SHQ1: variants seen among roughly 807,000 people sequenced by gnomAD.
SHQ1 encodes the protein protein SHQ1 homolog.
SHQ1 carries 49 observed loss-of-function variants against 53.8 expected under a neutral mutation model. The ratio of observed to expected loss-of-function variants is 0.91; its 90% CI spans 0.72 to 1.16. The LOEUF (loss-of-function observed/expected upper bound fraction) is 1.16, where lower values mean the gene tolerates loss of function less well. SHQ1 is among the 50% of genes most tolerant of loss of function. The probability of loss-of-function intolerance (pLI) is 0.00; values close to 1 mark genes in which losing one functional copy is unlikely to be tolerated. For missense variants in SHQ1, 738 were observed against 683.1 expected, an observed-to-expected ratio of 1.08 and a Z score of -0.90; for synonymous variants, 243 against 251.0, an observed-to-expected ratio of 0.97 and a Z score of 0.30.
At chr3:72,831,292 A>AT (rs1159553501) in intron 5 of SHQ1, among the ~76,000 whole-genome samples, 2 of 152,204 alleles carry the variant, frequency 1.3e-5, no homozygotes, top group African/African-American at 4.8e-5. Flanking sequence ...TGCCATTCCA[A>AT]TTAGTATCCT....
chr3:72,780,104 G>T (rs925598489), intron 10 of SHQ1, among the ~76,000 whole-genome samples: 4 of 152,118 alleles, frequency 2.6e-5, no homozygotes, highest in African/African-American at 9.7e-5. Flanking sequence ...TTTAAAAAAG[G>T]TATGATAAGC....
intron 8 of SHQ1, among the ~76,000 whole-genome samples, chr3:72,814,303 G>T (rs1707236446): frequency 6.6e-6 from 1 of 152,170 alleles, no homozygotes; most frequent in African/African-American, 2.4e-5. Context: ...ATTATATGCT[G>T]ATCATGGCAA....
At chr3:72,738,495 G>C in the SHQ1 span, among the ~76,000 whole-genome samples, 3 of 152,138 alleles carry the variant, frequency 2.0e-5, no homozygotes, top group African/African-American at 7.2e-5. Flanking sequence ...AGATAAGCTT[G>C]TGAATTTAGG....
At chr3:72,804,755 T>A (rs1252340308) in intron 9 of SHQ1, among the ~76,000 whole-genome samples, 4 of 152,300 alleles carry the variant, frequency 2.6e-5, no homozygotes, top group Middle Eastern at 3.4e-3. Context: ...TTTGGGAGGC[T>A]GAGGCAGGAG....
intron 9 of SHQ1, among the ~76,000 whole-genome samples, chr3:72,807,581 AATT>A (rs1168580846): frequency 6.6e-6 from 1 of 152,200 alleles, no homozygotes. Flanking sequence ...TCTACAATTC[AATT>A]TTTTTAAAAG....
Position 72,750,394 on chromosome 3 carries a change from G to A in SHQ1, c.1624C>T (p.Leu542Phe). ...ACTGTAGTCTTCAGTTGTTCCCCAA[G>A]CTCCTCTATCAGAGGCCCAGACACT... ...LGVSGPLIEE[L>F]GEQLKTTVQV... The change falls in exon 11 of 11, where the codon CTT becomes TTT. Residue 542 changes from leucine (L) to phenylalanine (F), a missense_variant. By Grantham distance (22) the Leu-to-Phe change is conservative. Transcript: ENST00000325599. The A allele has an allele frequency of 1.9e-6, 3 of 1,614,092 alleles. No homozygotes were observed. Among genetic ancestry groups the A allele is most frequent in the Non-Finnish European group, 2.5e-6 (3 of 1,180,018 alleles).
At chr3:72,746,724 A>G (rs1207741519), downstream of SHQ1, among the ~76,000 whole-genome samples, 1 of 152,232 alleles carries the variant, frequency 6.6e-6, no homozygotes, top group African/African-American at 2.4e-5. Flanking sequence ...TCACTGAAGT[A>G]GATCCTGTCA....
chr3:72,739,995 G>A, the SHQ1 span, among the ~76,000 whole-genome samples: 1 of 152,152 alleles, frequency 6.6e-6, no homozygotes, highest in East Asian at 1.9e-4. Flanking sequence ...CGAGATGAAG[G>A]TGTGGCCGCT....
At chr3:72,848,090 G>GA in intron 1 of SHQ1, 108 bp downstream of exon 1, 1 of 1,387,784 alleles carries the variant, frequency 7.2e-7, no homozygotes, top group Non-Finnish European at 1.0e-6. Flanking sequence ...GAAACGTCGG[G>GA]AAAAGGCATT....
In SHQ1 at chr3:72,792,986, C is replaced by T; in HGVS notation, c.1111G>A (p.Glu371Lys). Residue 371 changes from glutamate (E) to lysine (K), a missense_variant, in exon 10 of 11, where the codon GAA (glutamate) becomes AAA (lysine). Transcript: ENST00000325599. ...TTCAGTATGTACGCTGGGTCATTTT[C>T]CTGAAAAATTTTGTGAATATCCAGG... ...CLLDIHKIFQENDPAYILNDL... is the reference protein window; with the variant it reads ...CLLDIHKIFQKNDPAYILNDL... The T allele has an allele frequency of 6.2e-7, 1 of 1,612,322 alleles. No homozygotes were observed. Among genetic ancestry groups the T allele is most frequent in the Non-Finnish European group, 8.5e-7 (1 of 1,179,304 alleles).
At chr3:72,727,099 C>G in the SHQ1 span, among the ~76,000 whole-genome samples, 1 of 152,108 alleles carries the variant, frequency 6.6e-6, no homozygotes, top group South Asian at 2.1e-4. Flanking sequence ...TATGTAGCCC[C>G]AGAACAAGCA....
chr3:72,743,112 G>A, the SHQ1 span, among the ~76,000 whole-genome samples: 2 of 152,170 alleles, frequency 1.3e-5, no homozygotes, highest in Admixed American at 1.3e-4. Context: ...CCTTATGTCA[G>A]CACCCTCTGC....
At chr3:72,727,252 G>A in the SHQ1 span, among the ~76,000 whole-genome samples, 13 of 152,178 alleles carry the variant, frequency 8.5e-5, no homozygotes, top group East Asian at 3.9e-4. Context: ...GTTTCCACCC[G>A]TCACCCCCAA....
In SHQ1 at chr3:72,817,320, G is replaced by A. The variant is rs764264616; in HGVS notation, c.792C>T (p.Asp264=). 6.2e-7 allele frequency: 1 copy of A among 1,613,530 alleles called. No individual in the cohort carries two copies. Among genetic ancestry groups the A allele is most frequent in the Non-Finnish European group, 8.5e-7 (1 of 1,179,692 alleles). The change falls in exon 7 of 11, where the codon GAC becomes GAT. Residue 264 remains aspartate (D), a synonymous_variant. Transcript: ENST00000325599. The part of the protein sequence containing the change: ...RKFVNKSYLL[D]KRACRQVCYS... ...AGCACACTTGACGACAGGCTCTCTTGTCCAGCAGATAAGATTTATTGACAA... is the reference window on the plus strand; with the variant it reads ...AGCACACTTGACGACAGGCTCTCTTATCCAGCAGATAAGATTTATTGACAA...
At chr3:72,752,966 G>A (rs1481426899) in intron 10 of SHQ1, 17 of 985,140 alleles carry the variant, frequency 1.7e-5, no homozygotes, top group Non-Finnish European at 2.0e-5. Flanking sequence ...ACCAGCCGAA[G>A]ACGCTTTTCC....
downstream of SHQ1, among the ~76,000 whole-genome samples, chr3:72,747,457 C>G (rs1049759821): frequency 6.6e-6 from 1 of 152,164 alleles, no homozygotes; most frequent in Admixed American, 6.5e-5. Context: ...AGACAGTGAT[C>G]CTGAGAGACA....
chr3:72,844,477 T>C, intron 1 of SHQ1, 54 bp from the exon 2 acceptor site: 3 of 1,343,132 alleles, frequency 2.2e-6, no homozygotes, highest in Middle Eastern at 1.8e-4. Context: ...GTAACATAAG[T>C]GGCCATCAAT....
chr3:72,729,493 C>T, the SHQ1 span, among the ~76,000 whole-genome samples: 3 of 152,010 alleles, frequency 2.0e-5, no homozygotes. Context: ...CTTGCAAACA[C>T]ATTGAGGACC....
At chr3:72,740,254 A>G in the SHQ1 span, among the ~76,000 whole-genome samples, 1 of 152,198 alleles carries the variant, frequency 6.6e-6, no homozygotes, top group Non-Finnish European at 1.5e-5. Context: ...AACGCATCCA[A>G]TCAGGGTGAA....
Sources: gnomAD v4.1 joint callset for allele counts (sites outside exome capture counted in the v4.1 genomes callset) on GRCh38, gnomAD v4.1.1 for gene constraint, MANE v1.5 for transcripts, NCBI Gene and HGNC (gene_info 2026-07-23, HGNC 2026-07-21) for gene names.